SLAMF9: variants seen among roughly 807,000 people sequenced by gnomAD.
SLAMF9 encodes CD2 family member 10.
In SLAMF9, 25 loss-of-function variants were observed where a neutral mutation model predicts 30.4. The observed-to-expected ratio is 0.82, with a 90% CI of 0.60 to 1.15. The LOEUF (loss-of-function observed/expected upper bound fraction) is 1.15, where lower values mean the gene tolerates loss of function less well. SLAMF9 is among the 50% of genes most tolerant of loss of function. The probability of loss-of-function intolerance (pLI) is 0.00; values close to 1 mark genes in which losing one functional copy is unlikely to be tolerated. For missense variants in SLAMF9, 344 were observed against 346.1 expected, an observed-to-expected ratio of 0.99 and a Z score of 0.05; for synonymous variants, 129 against 127.2, an observed-to-expected ratio of 1.01 and a Z score of -0.09.
At chr1:159,961,716 G>T in the SLAMF9 span, among the ~76,000 whole-genome samples, 1 of 152,170 alleles carries the variant, frequency 6.6e-6, no homozygotes, top group East Asian at 1.9e-4. Flanking sequence ...GGGGGAGAGA[G>T]CTGGGCACAC....
At chr1:159,980,849 G>A in the SLAMF9 span, among the ~76,000 whole-genome samples, 3 of 152,168 alleles carry the variant, frequency 2.0e-5, no homozygotes, top group African/African-American at 7.2e-5. Flanking sequence ...CCTTACTACT[G>A]TTCACTCTCT....
At chr1:159,956,672 GCAAAA>G (rs1209825917), upstream of SLAMF9, among the ~76,000 whole-genome samples, 2 of 151,864 alleles carry the variant, frequency 1.3e-5, no homozygotes, top group Non-Finnish European at 2.9e-5. Context: ...AGGGAGCAAA[GCAAAA>G]CAAAACAAAA....
At chr1:159,974,565 T>G in the SLAMF9 span, among the ~76,000 whole-genome samples, 4 of 152,156 alleles carry the variant, frequency 2.6e-5, no homozygotes, top group East Asian at 5.8e-4. Flanking sequence ...CGCTCCTACC[T>G]TCTTCCTTAA....
the SLAMF9 span, among the ~76,000 whole-genome samples, chr1:159,964,039 G>A: frequency 1.3e-5 from 2 of 152,280 alleles, no homozygotes; most frequent in South Asian, 2.1e-4. Context: ...CAGCCTAGGT[G>A]ACAATGCAAG....
At chr1:159,975,328 C>A in the SLAMF9 span, among the ~76,000 whole-genome samples, 4 of 152,184 alleles carry the variant, frequency 2.6e-5, no homozygotes, top group South Asian at 8.3e-4. Context: ...GGAGGAGACC[C>A]AAAGAGGTGA....
chr1:159,959,548 T>C, the SLAMF9 span, among the ~76,000 whole-genome samples: 2 of 152,054 alleles, frequency 1.3e-5, no homozygotes, highest in Admixed American at 1.3e-4. Flanking sequence ...CCTGGCTCCC[T>C]CATGGGAGCC....
chr1:159,965,846 T>C, the SLAMF9 span, among the ~76,000 whole-genome samples: 1 of 152,218 alleles, frequency 6.6e-6, no homozygotes, highest in African/African-American at 2.4e-5. Flanking sequence ...TAACAAATCA[T>C]AATTATATTA....
At chr1:159,976,217 T>C in the SLAMF9 span, among the ~76,000 whole-genome samples, 1 of 152,014 alleles carries the variant, frequency 6.6e-6, no homozygotes, top group Non-Finnish European at 1.5e-5. Flanking sequence ...ACTAAGATGG[T>C]TATTAATAAG....
Position 159,953,350 on chromosome 1 carries a change from G to T in SLAMF9, c.350C>A (p.Ser117Tyr), listed in dbSNP as rs1467958082. Residue 117 changes from serine (S) to tyrosine (Y), a missense_variant, in exon 2 of 4, where the codon TCC (serine) becomes TAC (tyrosine). By Grantham distance (144) the Ser-to-Tyr change is moderately radical (BLOSUM62 -2). Coordinates refer to ENST00000368093, the MANE Select transcript of SLAMF9 (RefSeq NM_033438.4). ...GTACTGCTGCATGGTAGAGATCTGG[G>T]ATGTTCTCAGGTTGACTTGAGCTTG... is the stretch of plus-strand genomic sequence containing the variant. ...LYQAQVNLRT[S>Y]QISTMQQYNI... The T allele has an allele frequency of 6.2e-7, 1 of 1,612,652 alleles. No homozygotes were observed. The highest frequency in any genetic ancestry group is 1.3e-5 in the African/African-American group (1 of 74,902).
the SLAMF9 span, among the ~76,000 whole-genome samples, chr1:159,972,262 G>A: frequency 6.6e-6 from 1 of 152,238 alleles, no homozygotes; most frequent in East Asian, 1.9e-4. Flanking sequence ...GAGAGAAGTT[G>A]CCTATGTCTT....
the SLAMF9 span, among the ~76,000 whole-genome samples, chr1:159,974,881 C>T: frequency 6.6e-6 from 1 of 152,302 alleles, no homozygotes; most frequent in Non-Finnish European, 1.5e-5. Flanking sequence ...AAGAAGAACA[C>T]AGGTGTAATC....
At chr1:159,964,021 C>T in the SLAMF9 span, among the ~76,000 whole-genome samples, 1 of 152,154 alleles carries the variant, frequency 6.6e-6, no homozygotes, top group Admixed American at 6.5e-5. Flanking sequence ...GATCACGCCA[C>T]TACACTCCAG....
rs557558805 is a variant in SLAMF9 at position 159,954,091 on chromosome 1, C to A, written c.46+1G>T. On this transcript the variant is annotated splice_donor_variant, in intron 1 of 3. Coordinates refer to ENST00000368093, the MANE Select transcript of SLAMF9 (RefSeq NM_033438.4). LOFTEE classifies it high-confidence loss of function. Reference sequence around the variant, plus strand: ...GTGCACGAGCTGGCAGCTTCACTCACCCTCCTGGAGCAGCAGGAGAAGAAG... The same window carrying A: ...GTGCACGAGCTGGCAGCTTCACTCAACCTCCTGGAGCAGCAGGAGAAGAAG... 2 of 1,614,020 alleles carry A rather than the reference C, an allele frequency of 1.2e-6. No individual in the cohort carries two copies. Among genetic ancestry groups the A allele is most frequent in the Non-Finnish European group, 1.7e-6 (2 of 1,180,004 alleles).
intron 2 of SLAMF9, 104 bp from the exon 3 acceptor site, chr1:159,952,638 C>A (rs1265064839): frequency 8.0e-7 from 1 of 1,251,462 alleles, no homozygotes; most frequent in Non-Finnish European, 1.1e-6. Context: ...TTGACAGCCC[C>A]TGCACCTAAA....
the SLAMF9 span, among the ~76,000 whole-genome samples, chr1:159,968,417 T>C: frequency 2.0e-5 from 3 of 152,218 alleles, no homozygotes; most frequent in Non-Finnish European, 4.4e-5. Flanking sequence ...TTTTCTCTTT[T>C]CTCAGGGCTA....
At chr1:159,972,811 G>T in the SLAMF9 span, 6 of 852,498 alleles carry the variant, frequency 7.0e-6, no homozygotes, top group Admixed American at 6.5e-5. Context: ...GGACCGTGGT[G>T]CAGAGTGAGC....
At chr1:159,978,382 T>A in the SLAMF9 span, among the ~76,000 whole-genome samples, 1 of 152,184 alleles carries the variant, frequency 6.6e-6, no homozygotes, top group Non-Finnish European at 1.5e-5. Flanking sequence ...GAGGTGGGTC[T>A]CAGGCACATA....
chr1:159,969,450 A>G, the SLAMF9 span, among the ~76,000 whole-genome samples: 1 of 152,232 alleles, frequency 6.6e-6, no homozygotes, highest in Non-Finnish European at 1.5e-5. Context: ...ATGATAAAAA[A>G]TAAACTATTC....
chr1:159,983,717 G>C, the SLAMF9 span: 1 of 152,242 alleles, frequency 6.6e-6, no homozygotes, highest in Non-Finnish European at 1.5e-5. Flanking sequence ...ATGGGGTGGA[G>C]GGGATAGATG....
Sources: gnomAD v4.1 joint callset for allele counts (sites outside exome capture counted in the v4.1 genomes callset) on GRCh38, gnomAD v4.1.1 for gene constraint, MANE v1.5 for transcripts, NCBI Gene and HGNC (gene_info 2026-07-23, HGNC 2026-07-21) for gene names.